HORMAD2: variants seen among roughly 807,000 people sequenced by gnomAD.
HORMAD2 encodes HORMA domain containing 2.
In HORMAD2, 45 loss-of-function variants were observed where a neutral mutation model predicts 38.8. That is an observed-to-expected ratio of 1.16 (90% confidence interval 0.91 to 1.49). The LOEUF is 1.49. Ranked by LOEUF, HORMAD2 falls within the 40% of genes most tolerant of loss-of-function variation. The pLI is 0.00. For synonymous variants in HORMAD2, 126 were observed against 122.8 expected (o/e 1.03, Z -0.17); for missense variants, 338 against 367.0 (o/e 0.92, Z 0.65).
At chr22:30,112,241 GATT>G (rs1555943902) in intron 6 of HORMAD2, among the ~76,000 whole-genome samples, 2 of 151,776 alleles carry the variant, frequency 1.3e-5, no homozygotes, top group South Asian at 2.1e-4. Flanking sequence ...AACCATAATG[GATT>G]ATTTAGAATT....
At chr22:30,202,828 G>A in the HORMAD2 span, among the ~76,000 whole-genome samples, 1 of 152,222 alleles carries the variant, frequency 6.6e-6, no homozygotes, top group African/African-American at 2.4e-5. Context: ...CCCAGGAGTA[G>A]AAGGGAGAGG....
chr22:30,145,109 T>A (rs545836873), intron 10 of HORMAD2, among the ~76,000 whole-genome samples: 1 of 152,374 alleles, frequency 6.6e-6, no homozygotes, highest in South Asian at 2.1e-4. Flanking sequence ...AATTACTGTA[T>A]GCCTTTAGGT....
the HORMAD2 span, among the ~76,000 whole-genome samples, chr22:30,196,475 G>A: frequency 6.6e-6 from 1 of 152,324 alleles, no homozygotes; most frequent in South Asian, 2.1e-4. Context: ...CATGGCCAGC[G>A]TCATCACCAT....
intron 1 of HORMAD2, among the ~76,000 whole-genome samples, chr22:30,083,516 C>A (rs1457025572): frequency 2.0e-5 from 3 of 152,176 alleles, no homozygotes; most frequent in Non-Finnish European, 2.9e-5. Context: ...AACTTGTGAG[C>A]TTTTAAAATT....
intron 1 of HORMAD2, among the ~76,000 whole-genome samples, chr22:30,090,589 T>C (rs949218350): frequency 2.6e-5 from 4 of 152,184 alleles, no homozygotes; most frequent in African/African-American, 9.7e-5. Flanking sequence ...AATATGGTAA[T>C]TCTGTTTAAC....
At chr22:30,161,729 T>C (rs893080303) in intron 10 of HORMAD2, among the ~76,000 whole-genome samples, 1 of 152,126 alleles carries the variant, frequency 6.6e-6, no homozygotes, top group African/African-American at 2.4e-5. Flanking sequence ...TTTTAAATGT[T>C]CTTTTTTACC....
At chr22:30,090,797 G>A (rs2068667776) in intron 1 of HORMAD2, among the ~76,000 whole-genome samples, 1 of 152,086 alleles carries the variant, frequency 6.6e-6, no homozygotes, top group Non-Finnish European at 1.5e-5. Flanking sequence ...TTTGATACAT[G>A]TATACAATAT....
rs1343843546 is a variant in HORMAD2, at chr22:30,095,412, G to T, written c.51+1409G>T. Among the ~76,000 whole-genome samples, 7 of 152,234 alleles carry T rather than the reference G, an allele frequency of 4.6e-5. No homozygotes were observed. The East Asian group carries it at 9.6e-4, about 21-fold the overall frequency. ...AATGCTTCTTTGATTTTTAAAAATT[G>T]TTCAGCTTACCTGCTTTGGAGCCAT... On this transcript the variant is annotated intron_variant, in intron 2 of 10. Transcript: ENST00000336726.
chr22:30,104,490 TA>T (rs1569088167), intron 5 of HORMAD2, 53 bp downstream of exon 5: 5 of 1,427,466 alleles, frequency 3.5e-6, no homozygotes, highest in Admixed American at 2.0e-5. Context: ...TTTTATTCTT[TA>T]AAAAAAGAAA....
intron 10 of HORMAD2, among the ~76,000 whole-genome samples, chr22:30,143,230 C>T (rs1454938893): frequency 3.3e-5 from 5 of 151,974 alleles, no homozygotes; most frequent in Non-Finnish European, 7.4e-5. Flanking sequence ...ATTTACATTG[C>T]CTTTTATAAT....
chr22:30,097,072 A>G (rs2068795719), intron 2 of HORMAD2, among the ~76,000 whole-genome samples: 1 of 152,252 alleles, frequency 6.6e-6, no homozygotes, highest in South Asian at 2.1e-4. Flanking sequence ...GCTGGAATTC[A>G]TGAGACATAT....
intron 10 of HORMAD2, among the ~76,000 whole-genome samples, chr22:30,146,270 A>G (rs1302471624): frequency 6.6e-6 from 1 of 152,190 alleles, no homozygotes; most frequent in Non-Finnish European, 1.5e-5. Flanking sequence ...AGGCCAGTGG[A>G]TCACGAGGTC....
intron 10 of HORMAD2, among the ~76,000 whole-genome samples, chr22:30,173,676 A>G (rs1226135443): frequency 6.6e-6 from 1 of 152,244 alleles, no homozygotes; most frequent in Non-Finnish European, 1.5e-5. Context: ...TCTGAAGTTC[A>G]GAAGGAAGAT....
intron 10 of HORMAD2, among the ~76,000 whole-genome samples, chr22:30,139,966 T>C (rs1451899132): frequency 6.6e-6 from 1 of 152,042 alleles, no homozygotes; most frequent in African/African-American, 2.4e-5. Flanking sequence ...TGTGTGTGTG[T>C]GTGTGTGTAT....
chr22:30,189,527 T>TG, the HORMAD2 span, among the ~76,000 whole-genome samples: 1 of 151,032 alleles, frequency 6.6e-6, no homozygotes, highest in African/African-American at 2.4e-5. Flanking sequence ...GGGGGATGGG[T>TG]GGGTAGTGAC....
At position 30,176,100 on chromosome 22, in the gene HORMAD2, C is replaced by G; in HGVS notation, c.857C>G (p.Ser286Cys). 6.2e-7 allele frequency: 1 copy of G among 1,613,370 alleles called. No individual in the cohort carries two copies. The highest frequency in any genetic ancestry group is 8.5e-7 in the Non-Finnish European group (1 of 1,179,482). The change falls in exon 11 of 11, where the codon TCT (serine) becomes TGT (cysteine). Residue 286 changes from serine (S) to cysteine (C), a missense_variant. Coordinates refer to ENST00000336726, the MANE Select transcript of HORMAD2 (RefSeq NM_152510.4). The stretch of plus-strand genomic sequence containing the variant: ...AATTTTGTGTGCAGTCAGCAAAGTT[C>G]TGAGTGCTCCAGGAAGAAGAGGAAG... ...RMNFVCSQQS[S>C]ECSRKKRKVS...
intron 10 of HORMAD2, among the ~76,000 whole-genome samples, chr22:30,158,301 A>T (rs1221053792): frequency 1.3e-5 from 2 of 152,094 alleles, no homozygotes; most frequent in African/African-American, 2.4e-5. Flanking sequence ...GTTCCTACAT[A>T]ATCAACAACT....
chr22:30,123,461 T>C (rs1922601612), intron 10 of HORMAD2, among the ~76,000 whole-genome samples: 1 of 152,106 alleles, frequency 6.6e-6, no homozygotes, highest in African/African-American at 2.4e-5. Context: ...CTCGAGTAGC[T>C]GGGACTATAG....
chr22:30,082,298 G>A (rs1000368475), intron 1 of HORMAD2, among the ~76,000 whole-genome samples: 2 of 152,152 alleles, frequency 1.3e-5, no homozygotes, highest in African/African-American at 4.8e-5. Context: ...TGAGAAAGAT[G>A]GGTAGAGAGC....
Sources: allele counts gnomAD v4.1 joint callset (sites outside exome capture counted in the v4.1 genomes callset), GRCh38; gene constraint gnomAD v4.1.1; transcripts MANE v1.5; gene names NCBI Gene and HGNC (gene_info 2026-07-23, HGNC 2026-07-21).